Variants in ALK observed in about 807,000 individuals in gnomAD.
The protein encoded by ALK is ALK tyrosine kinase receptor.
Under a neutral mutation model 163.1 loss-of-function variants are expected in ALK, and 74 were observed. The ratio of observed to expected loss-of-function variants is 0.45; its 90% CI spans 0.38 to 0.55. ALK has a LOEUF of 0.55. Ranked by LOEUF, ALK falls within the 20% of genes least tolerant of loss-of-function variation. ALK has a pLI of 0.00. For missense variants in ALK, 2,063 were observed against 2,105.3 expected, an observed-to-expected ratio of 0.98 and a Z score of 0.39; for synonymous variants, 960 against 843.2, an observed-to-expected ratio of 1.14 and a Z score of -2.40.
At chr2:29,424,359 T>C (rs924816762) in intron 4 of ALK, among the ~76,000 whole-genome samples, 1 of 152,226 alleles carries the variant, frequency 6.6e-6, no homozygotes. Context: ...ACTACTATAA[T>C]CTGGCACTAA....
In ALK at chr2:29,193,212, G is replaced by A. The variant is rs1374166324; in HGVS notation, c.*12C>T. On this transcript the variant is annotated 3_prime_UTR_variant, in exon 29 of 29. Transcript: ENST00000389048. ...GGGATCCCAAGGAAGAGAAGTGAGTGTGCGACCGAGCTCAGGGCCCAGGCT... is the reference window on the plus strand; with the variant it reads ...GGGATCCCAAGGAAGAGAAGTGAGTATGCGACCGAGCTCAGGGCCCAGGCT... 2.5e-6 allele frequency: 4 copies of A among 1,613,164 alleles called. No homozygotes were observed. Among genetic ancestry groups the A allele is most frequent in the Non-Finnish European group, 3.4e-6 (4 of 1,179,542 alleles).
At chr2:29,607,304 T>C (rs1298000580) in intron 3 of ALK, among the ~76,000 whole-genome samples, 3 of 152,152 alleles carry the variant, frequency 2.0e-5, no homozygotes, top group African/African-American at 7.2e-5. Context: ...TTCCCTCCAA[T>C]GTCATCATAC....
intron 3 of ALK, among the ~76,000 whole-genome samples, chr2:29,648,146 A>G (rs1333049681): frequency 2.0e-5 from 3 of 152,150 alleles, no homozygotes; most frequent in Non-Finnish European, 4.4e-5. Context: ...TTGCTCATGC[A>G]GTTCCCTTGG....
intron 1 of ALK, chr2:29,907,042 C>T (rs1667570732): frequency 7.2e-6 from 1 of 138,996 alleles, no homozygotes; most frequent in Non-Finnish European, 1.5e-5. Context: ...CTCCGCCTCC[C>T]AGGTTCACGC....
At chr2:29,700,610 G>T (rs1420632726) in intron 2 of ALK, among the ~76,000 whole-genome samples, 1 of 152,176 alleles carries the variant, frequency 6.6e-6, no homozygotes, top group Non-Finnish European at 1.5e-5. Flanking sequence ...ACGAGTGAGT[G>T]TGTGTGCACA....
chr2:29,306,737 A>ACGCTTGC (rs565586029), intron 8 of ALK, among the ~76,000 whole-genome samples: 97 of 152,330 alleles, frequency 6.4e-4, no homozygotes, highest in African/African-American at 2.2e-3. Context: ...ATGGGAAATA[A>ACGCTTGC]CGCTTGCTGA....
At chr2:29,751,472 GC>G (rs751760640) in intron 1 of ALK, among the ~76,000 whole-genome samples, 1 of 152,102 alleles carries the variant, frequency 6.6e-6, no homozygotes, top group Non-Finnish European at 1.5e-5. Flanking sequence ...GGTTCTGCCT[GC>G]CCCATGGTCT....
chr2:29,675,552 AG>A (rs1313002987), intron 3 of ALK, among the ~76,000 whole-genome samples: 2 of 152,022 alleles, frequency 1.3e-5, no homozygotes, highest in African/African-American at 4.8e-5. Flanking sequence ...CTTGAAGGAT[AG>A]GATGGCCCAG....
intron 4 of ALK, among the ~76,000 whole-genome samples, chr2:29,409,458 G>A (rs531037797): frequency 3.9e-5 from 6 of 152,148 alleles, no homozygotes; most frequent in South Asian, 2.1e-4. Flanking sequence ...CCTGCCACTC[G>A]GAACCATTTC....
intron 3 of ALK, among the ~76,000 whole-genome samples, chr2:29,541,249 T>C (rs1467401374): frequency 2.6e-5 from 4 of 152,206 alleles, no homozygotes; most frequent in Non-Finnish European, 5.9e-5. Flanking sequence ...CTTTTGTCTA[T>C]CTCTAATAAT....
intron 1 of ALK, among the ~76,000 whole-genome samples, chr2:29,819,392 G>A (rs933669533): frequency 2.0e-5 from 3 of 152,196 alleles, no homozygotes; most frequent in Non-Finnish European, 2.9e-5. Context: ...CTCCTCATCT[G>A]TAGGATGAGT....
chr2:29,445,931 C>G (rs1670664118), intron 4 of ALK, among the ~76,000 whole-genome samples: 1 of 150,366 alleles, frequency 6.7e-6, no homozygotes, highest in African/African-American at 2.4e-5. Context: ...AACCCCGTCT[C>G]TACTAAAAAT....
At chr2:29,407,813 G>A (rs56155206) in intron 4 of ALK, among the ~76,000 whole-genome samples, 2,335 of 152,278 alleles carry the variant, frequency 0.015, 45 homozygotes, top group African/African-American at 0.053. Flanking sequence ...GATGTGTCAT[G>A]TCATGATGGC....
chr2:29,263,989 C>A (rs966710712), intron 11 of ALK, among the ~76,000 whole-genome samples: 1 of 152,260 alleles, frequency 6.6e-6, no homozygotes, highest in Non-Finnish European at 1.5e-5. Context: ...TGAAACACCA[C>A]TGAACAGAGA....
At chr2:29,215,094 GTGTT>G (rs1312272438) in intron 23 of ALK, among the ~76,000 whole-genome samples, 3 of 152,240 alleles carry the variant, frequency 2.0e-5, no homozygotes, top group African/African-American at 2.4e-5. Flanking sequence ...CCCAAGAAAG[GTGTT>G]TGTTTAAGCT....
chr2:29,561,290 C>T (rs1674015867), intron 3 of ALK, among the ~76,000 whole-genome samples: 1 of 152,154 alleles, frequency 6.6e-6, no homozygotes, highest in African/African-American at 2.4e-5. Context: ...TGCTTCCTCT[C>T]TTCTTGGCTC....
intron 12 of ALK, among the ~76,000 whole-genome samples, chr2:29,242,007 C>G (rs191839118): frequency 6.6e-6 from 1 of 152,108 alleles, no homozygotes; most frequent in Non-Finnish European, 1.5e-5. Context: ...TTCCCAGACT[C>G]TCAGCCAAAC....
At chr2:29,476,487 C>T (rs1388674507) in intron 4 of ALK, among the ~76,000 whole-genome samples, 2 of 152,042 alleles carry the variant, frequency 1.3e-5, no homozygotes, top group East Asian at 3.9e-4. Context: ...ATCCCACTCT[C>T]CAGAGACAAT....
intron 1 of ALK, among the ~76,000 whole-genome samples, chr2:29,911,769 GA>G (rs1009075668): frequency 4.4e-4 from 67 of 151,382 alleles, no homozygotes; most frequent in African/African-American, 1.4e-3. Flanking sequence ...CAACATAAAA[GA>G]AAAAAAATGA....
Sources: gnomAD v4.1 joint callset for allele counts (sites outside exome capture counted in the v4.1 genomes callset) on GRCh38, gnomAD v4.1.1 for gene constraint, MANE v1.5 for transcripts, NCBI Gene and HGNC (gene_info 2026-07-23, HGNC 2026-07-21) for gene names.